The following SPART variants were observed in gnomAD, a reference collection of about 807,000 sequenced individuals.
SPART encodes spastic paraplegia 20 (Troyer syndrome).
A neutral mutation model predicts 58.7 loss-of-function variants in SPART; 35 were observed. The ratio of observed to expected loss-of-function variants is 0.60; its 90% CI spans 0.46 to 0.79. SPART has a LOEUF of 0.79. Among genes scored for constraint, SPART ranks in the 30% least tolerant of loss-of-function variants. SPART has a pLI of 0.00. For missense variants in SPART, 730 were observed against 786.1 expected (o/e 0.93, Z 0.85); for synonymous variants, 284 against 280.7 (o/e 1.01, Z -0.12).
At chr13:36,323,857 A>C (rs533525245) in intron 5 of SPART, among the ~76,000 whole-genome samples, 10 of 152,338 alleles carry the variant, frequency 6.6e-5, no homozygotes, top group African/African-American at 1.7e-4. Context: ...GAAAAGAGGT[A>C]CTGGCACGAA....
chr13:36,331,625 T>A (rs1883473966), intron 2 of SPART, 29 bp from the exon 3 acceptor site: 1 of 1,462,166 alleles, frequency 6.8e-7, no homozygotes, highest in Non-Finnish European at 9.5e-7. Context: ...AGAAAAAAAA[T>A]ATACATATAA....
chr13:36,353,808 T>G (rs1343074401), intron 1 of SPART, among the ~76,000 whole-genome samples: 2 of 152,218 alleles, frequency 1.3e-5, no homozygotes, highest in African/African-American at 2.4e-5. Context: ...AGACATGATT[T>G]CAGAGTGGTT....
Position 36,304,122 on chromosome 13 carries a change from T to A in SPART, c.*243A>T, listed in dbSNP as rs2137248500. The A allele has an allele frequency of 1.8e-6, 1 of 557,252 alleles. No individual in the cohort carries two copies. The highest frequency in any genetic ancestry group is 3.2e-5 in the East Asian group (1 of 31,544). 34.5% of individuals were successfully genotyped at this position (557,252 alleles called of 1,614,324 possible). A position where few individuals can be genotyped will look rare whatever the true frequency, so the allele number is the denominator to read the frequency against. On this transcript the variant is annotated 3_prime_UTR_variant, in exon 9 of 9. Transcript: ENST00000438666. ...GCTTTATTTTACCTGCAAAAATATT[T>A]TAGCTACACTTGGAAAAAAATAAAC...
At chr13:36,317,105 G>A (rs1881794412) in intron 5 of SPART, among the ~76,000 whole-genome samples, 1 of 152,166 alleles carries the variant, frequency 6.6e-6, no homozygotes, top group African/African-American at 2.4e-5. Context: ...CACAGACTGG[G>A]AAGGCAGCCT....
Position 36,326,627 on chromosome 13 carries a change from C to G in SPART, c.1236G>C (p.Lys412Asn), listed in dbSNP as rs143131508. The G allele has an allele frequency of 6.8e-6, 11 of 1,613,324 alleles. No individual in the cohort carries two copies. The African/African-American group carries it at 1.5e-4, about 22-fold the overall frequency. ...IVPCEPVPEE[K>N]PKELPEWSEK... The stretch of plus-strand genomic sequence containing the variant: ...CACTCCATTCAGGTAATTCTTTTGG[C>G]TTTTCTTCTGGAACTGGCTCACATG... Residue 412 changes from lysine (K) to asparagine (N), a missense_variant, in exon 5 of 9, where the codon AAG becomes AAC. Lys to Asn is a moderately conservative substitution (Grantham distance 94). Coordinates refer to ENST00000438666, the MANE Select transcript of SPART (RefSeq NM_015087.5).
At chr13:36,366,385 G>A (rs964396919) in intron 1 of SPART, among the ~76,000 whole-genome samples, 9 of 152,030 alleles carry the variant, frequency 5.9e-5, no homozygotes, top group African/African-American at 1.9e-4. Flanking sequence ...CACTTACCTG[G>A]TATACCTCCC....
Position 36,329,971 on chromosome 13 carries a change from A to C in SPART, c.1009-454T>G, listed in dbSNP as rs966985946. ...ATACACTTTGCTGAATGAATGCTTA[A>C]GAGTAAAAACCAGTCAAAATTATAG... On this transcript the variant is annotated intron_variant, in intron 3 of 8. Coordinates refer to ENST00000438666, the MANE Select transcript of SPART (RefSeq NM_015087.5). Among the ~76,000 whole-genome samples the C allele has an allele frequency of 3.9e-5, 6 of 152,232 alleles. No homozygotes were observed. The South Asian group carries it at 6.2e-4, about 16-fold the overall frequency.
At chr13:36,329,300 C>G in intron 4 of SPART, 62 bp downstream of exon 4, 2 of 1,573,916 alleles carry the variant, frequency 1.3e-6, no homozygotes, top group East Asian at 4.5e-5. Flanking sequence ...CATATAAATA[C>G]ATGAAACTGG....
At chr13:36,354,276 G>A (rs947212367) in intron 1 of SPART, among the ~76,000 whole-genome samples, 3 of 152,074 alleles carry the variant, frequency 2.0e-5, no homozygotes, top group Non-Finnish European at 4.4e-5. Context: ...GTAATCTCAC[G>A]CTGTCCAGGA....
At chr13:36,362,704 T>C (rs1236319243) in intron 1 of SPART, among the ~76,000 whole-genome samples, 4 of 152,124 alleles carry the variant, frequency 2.6e-5, no homozygotes, top group Admixed American at 6.6e-5. Context: ...CAGGGCTTGC[T>C]TGGTGCCTAA....
At chr13:36,354,728 T>C (rs1461114314) in intron 1 of SPART, among the ~76,000 whole-genome samples, 2 of 152,240 alleles carry the variant, frequency 1.3e-5, no homozygotes, top group Non-Finnish European at 2.9e-5. Context: ...TATAATTGCT[T>C]TCCTAAGTCC....
chr13:36,324,537 G>A (rs978259345), intron 5 of SPART, among the ~76,000 whole-genome samples: 1 of 152,180 alleles, frequency 6.6e-6, no homozygotes, highest in African/African-American at 2.4e-5. Flanking sequence ...CCATGAAAGA[G>A]ATATAAGCCA....
intron 5 of SPART, among the ~76,000 whole-genome samples, chr13:36,324,982 T>A (rs919163790): frequency 2.6e-5 from 4 of 152,294 alleles, no homozygotes; most frequent in Middle Eastern, 3.4e-3. Context: ...CCAGCCATTT[T>A]CACTTCTTTT....
chr13:36,334,078 C>T (rs900439319), intron 2 of SPART, among the ~76,000 whole-genome samples: 10 of 152,186 alleles, frequency 6.6e-5, no homozygotes, highest in Admixed American at 2.0e-4. Flanking sequence ...TACTAAACCA[C>T]ATTATTTGGA....
chr13:36,341,670 A>T (rs1884602678), intron 1 of SPART, among the ~76,000 whole-genome samples: 1 of 152,254 alleles, frequency 6.6e-6, no homozygotes, highest in Non-Finnish European at 1.5e-5. Flanking sequence ...GAAGCATCAC[A>T]GAAAGCATTC....
intron 3 of SPART, 82 bp downstream of exon 3, chr13:36,331,317 A>G: frequency 8.8e-7 from 1 of 1,136,588 alleles, no homozygotes; most frequent in Non-Finnish European, 1.3e-6. Flanking sequence ...ATTACAGTAG[A>G]GGTTATTACA....
Position 36,326,576 on chromosome 13 carries a change from T to C in SPART, c.1287A>G (p.Ser429=), listed in dbSNP as rs1882952834. ...AAAAAATTAACATTACTGTAATACC[T>C]GACAAAATGTTGTGAGCCACTTTTT... ...WSEKVAHNIL[S]GASWVSWGLV... The change falls in exon 5 of 9, where the codon TCA becomes TCG. Residue 429 remains serine (S), a splice_region_variant and synonymous_variant. Transcript: ENST00000438666. 11 of 1,613,412 alleles carry C rather than the reference T, an allele frequency of 6.8e-6. No individual in the cohort carries two copies. The East Asian group carries it at 2.2e-4, about 33-fold the overall frequency.
upstream of SPART, among the ~76,000 whole-genome samples, chr13:36,348,167 T>C (rs1463817480): frequency 6.6e-6 from 1 of 152,040 alleles, no homozygotes; most frequent in Admixed American, 6.5e-5. Context: ...ACATCTGTAG[T>C]CCCAGTTACT....
chr13:36,339,619 G>A (rs1213980559), intron 1 of SPART, among the ~76,000 whole-genome samples: 2 of 77,440 alleles, frequency 2.6e-5, no homozygotes, highest in Non-Finnish European at 4.4e-5. Flanking sequence ...CACAGAGCAC[G>A]ACTCCATCAA....
Sources: gnomAD v4.1 joint callset for allele counts (sites outside exome capture counted in the v4.1 genomes callset) on GRCh38, gnomAD v4.1.1 for gene constraint, MANE v1.5 for transcripts, NCBI Gene and HGNC (gene_info 2026-07-23, HGNC 2026-07-21) for gene names.